TBC1D22A: variants seen among roughly 807,000 people sequenced by gnomAD.
TBC1D22A encodes putative GTPase activator.
Under a neutral mutation model 60.2 loss-of-function variants are expected in TBC1D22A, and 38 were observed. The ratio of observed to expected loss-of-function variants is 0.63; its 90% CI spans 0.49 to 0.83. The LOEUF (loss-of-function observed/expected upper bound fraction) is 0.83. Ranked by LOEUF, TBC1D22A falls within the 40% of genes least tolerant of loss-of-function variation. The pLI, the probability that TBC1D22A is intolerant of heterozygous loss-of-function variation, is 0.00. For synonymous variants in TBC1D22A, 302 were observed against 281.7 expected, an observed-to-expected ratio of 1.07 and a Z score of -0.72; for missense variants, 628 against 701.0, an observed-to-expected ratio of 0.90 and a Z score of 1.18.
chr22:47,108,018 C>T (rs2065699687), intron 11 of TBC1D22A, among the ~76,000 whole-genome samples: 1 of 152,030 alleles, frequency 6.6e-6, no homozygotes, highest in African/African-American at 2.4e-5. Context: ...CTAGGTTGAC[C>T]CTCACCAAAA....
At chr22:46,976,602 C>T (rs1460746407) in intron 9 of TBC1D22A, among the ~76,000 whole-genome samples, 1 of 152,250 alleles carries the variant, frequency 6.6e-6, no homozygotes, top group East Asian at 1.9e-4. Context: ...CTGGCCGCTT[C>T]TGCCTCTTAG....
chr22:46,940,954 C>G (rs1365235318), intron 8 of TBC1D22A, among the ~76,000 whole-genome samples: 1 of 141,654 alleles, frequency 7.1e-6, no homozygotes, highest in African/African-American at 2.7e-5. Flanking sequence ...AGCATGGGGA[C>G]TGAGGCACTA....
intron 4 of TBC1D22A, among the ~76,000 whole-genome samples, chr22:46,875,356 A>G (rs1317410911): frequency 6.6e-6 from 1 of 152,226 alleles, no homozygotes; most frequent in Non-Finnish European, 1.5e-5. Context: ...GTCTATGGTG[A>G]TAGATACCAG....
intron 11 of TBC1D22A, among the ~76,000 whole-genome samples, chr22:47,083,883 A>G (rs2064574899): frequency 6.6e-6 from 1 of 152,206 alleles, no homozygotes. Flanking sequence ...ACAACTCTAA[A>G]TGCTAGCAAA....
intron 12 of TBC1D22A, among the ~76,000 whole-genome samples, chr22:47,118,122 C>T (rs564950350): frequency 6.6e-6 from 1 of 151,260 alleles, no homozygotes; most frequent in South Asian, 2.1e-4. Flanking sequence ...GACTCCGTCT[C>T]AAAAAAAATA....
chr22:46,807,251 T>TTGTGATGG (rs2085184394), intron 4 of TBC1D22A, among the ~76,000 whole-genome samples: 1 of 7,636 alleles, frequency 1.3e-4, no homozygotes, highest in African/African-American at 4.3e-4. Flanking sequence ...GGGATTAGTG[T>TTGTGATGG]TGATTGTGAT....
chr22:46,926,659 C>T (rs2071067021), intron 8 of TBC1D22A, among the ~76,000 whole-genome samples: 1 of 152,138 alleles, frequency 6.6e-6, no homozygotes, highest in Non-Finnish European at 1.5e-5. Context: ...TGTAGGTGGG[C>T]CTCCTAATCT....
chr22:46,984,821 A>C (rs1005852022), intron 9 of TBC1D22A, among the ~76,000 whole-genome samples: 1 of 152,238 alleles, frequency 6.6e-6, no homozygotes, highest in Non-Finnish European at 1.5e-5. Flanking sequence ...GGCCAGGCCC[A>C]TGACTCGGGG....
intron 8 of TBC1D22A, among the ~76,000 whole-genome samples, chr22:46,959,026 C>A (rs1023385431): frequency 6.6e-6 from 1 of 152,154 alleles, no homozygotes; most frequent in African/African-American, 2.4e-5. Flanking sequence ...CATTGGCTGT[C>A]GCTCACTGAG....
chr22:46,879,243 T>A (rs1322169050), intron 5 of TBC1D22A, among the ~76,000 whole-genome samples: 1 of 152,022 alleles, frequency 6.6e-6, no homozygotes, highest in Non-Finnish European at 1.5e-5. Context: ...AGTGTGGAGT[T>A]CTGGCTGCCG....
chr22:47,051,750 C>T (rs77112113), intron 11 of TBC1D22A, among the ~76,000 whole-genome samples: 2,185 of 152,340 alleles, frequency 0.014, 52 homozygotes, highest in African/African-American at 0.046. Flanking sequence ...CTCCAGCTCC[C>T]CTCCCTCCTC....
chr22:46,977,403 G>A (rs2074342647), intron 9 of TBC1D22A, among the ~76,000 whole-genome samples: 1 of 152,126 alleles, frequency 6.6e-6, no homozygotes, highest in Non-Finnish European at 1.5e-5. Context: ...ACTTTGGGGT[G>A]AGTCAGCATC....
chr22:46,816,259 C>T (rs1394213099), intron 4 of TBC1D22A, among the ~76,000 whole-genome samples: 1 of 152,212 alleles, frequency 6.6e-6, no homozygotes, highest in African/African-American at 2.4e-5. Context: ...CGTTCCCCCA[C>T]ACTTTGGTTT....
At chr22:46,823,377 G>A (rs2085909844) in intron 4 of TBC1D22A, among the ~76,000 whole-genome samples, 1 of 152,208 alleles carries the variant, frequency 6.6e-6, no homozygotes, top group South Asian at 2.1e-4. Context: ...CGCCACGTGT[G>A]CATCACCAGC....
At chr22:47,041,040 G>A (rs376043186) in intron 11 of TBC1D22A, among the ~76,000 whole-genome samples, 3 of 152,082 alleles carry the variant, frequency 2.0e-5, no homozygotes, top group Non-Finnish European at 4.4e-5. Context: ...GCTGGTAAAC[G>A]GGCGAACATC....
At chr22:47,089,505 G>A (rs1396399440) in intron 11 of TBC1D22A, among the ~76,000 whole-genome samples, 3 of 152,210 alleles carry the variant, frequency 2.0e-5, no homozygotes, top group South Asian at 2.1e-4. Flanking sequence ...ACACGTAGAC[G>A]TACACACAGT....
At chr22:47,124,687 G>T (rs976554456) in intron 12 of TBC1D22A, among the ~76,000 whole-genome samples, 5 of 152,220 alleles carry the variant, frequency 3.3e-5, no homozygotes, top group Non-Finnish European at 5.9e-5. Flanking sequence ...GGCTTGGGGA[G>T]TGGGCCGCAG....
intron 11 of TBC1D22A, among the ~76,000 whole-genome samples, chr22:47,085,551 A>C (rs1426527659): frequency 6.6e-6 from 1 of 152,222 alleles, no homozygotes; most frequent in Non-Finnish European, 1.5e-5. Flanking sequence ...CTTGAGCTAT[A>C]GGCAAAATAG....
chr22:46,909,459 C>T (rs912921221), intron 7 of TBC1D22A, among the ~76,000 whole-genome samples: 1 of 152,148 alleles, frequency 6.6e-6, no homozygotes, highest in Non-Finnish European at 1.5e-5. Flanking sequence ...TGCCGTGTGG[C>T]GACAGAGCTG....
Sources: gnomAD v4.1 joint callset for allele counts (sites outside exome capture counted in the v4.1 genomes callset) on GRCh38, gnomAD v4.1.1 for gene constraint, MANE v1.5 for transcripts, NCBI Gene and HGNC (gene_info 2026-07-23, HGNC 2026-07-21) for gene names.